The following CERS1 variants were observed in gnomAD, a reference collection of about 807,000 sequenced individuals.
CERS1 encodes ceramide synthase 1.
Under a neutral mutation model 35.7 loss-of-function variants are expected in CERS1, and 16 were observed. That is an observed-to-expected ratio of 0.45 (90% CI 0.30 to 0.68). The LOEUF (loss-of-function observed/expected upper bound fraction) is 0.68, where lower values mean the gene tolerates loss of function less well. Among genes scored for constraint, CERS1 ranks in the 30% least tolerant of loss-of-function variants. CERS1 has a pLI of 0.08. For synonymous variants in CERS1, 243 were observed against 201.6 expected (o/e 1.21, Z -1.74); for missense variants, 454 against 453.9 (o/e 1.00, Z 0.00).
chr19:18,872,514 A>T (rs2055990289), intron 6 of CERS1, among the ~76,000 whole-genome samples: 2 of 144,776 alleles, frequency 1.4e-5, no homozygotes, highest in South Asian at 4.4e-4. Context: ...TGCCCGGGGT[A>T]ATTTTTTTTT....
In CERS1 at chr19:18,895,353, T is replaced by C. The variant is rs1291189770; in HGVS notation, c.249+471A>G. Among the ~76,000 whole-genome samples the C allele has an allele frequency of 6.6e-6, 1 of 152,174 alleles. No individual in the cohort carries two copies. The highest frequency in any genetic ancestry group is 1.5e-5 in the Non-Finnish European group (1 of 68,020). On this transcript the variant is annotated intron_variant, in intron 1 of 7. Transcript: ENST00000623882. The surrounding 1 kb of genome is among the most constrained non-coding windows in gnomAD (Gnocchi z 6.4). ...GCAGCCCGCATGGCAGGGAGGCGCA[T>C]GGCGCAGGCCGCGGTGCGCCGAGCC...
chr19:18,893,968 C>G (rs2056561907), intron 1 of CERS1, among the ~76,000 whole-genome samples: 1 of 151,858 alleles, frequency 6.6e-6, no homozygotes, highest in South Asian at 2.1e-4. Context: ...TTGGGAAACA[C>G]AGAGAGCCCC....
rs2055949039 is a variant in CERS1 at position 18,870,512 on chromosome 19, A to C, written c.*65T>G. On this transcript the variant is annotated 3_prime_UTR_variant, in exon 7 of 8. Coordinates refer to ENST00000623882, the MANE Select transcript of CERS1 (RefSeq NM_021267.5). The surrounding 1 kb of genome is among the most constrained non-coding windows in gnomAD (Gnocchi z 5.1). ...GTTGGAGGGGGTGGAGGGGCGGCCA[A>C]GGACGGGGAGCGTGGCCGGGGTATT... 1 of 59,494 alleles carries C rather than the reference A, an allele frequency of 1.7e-5. No homozygotes were observed. Among genetic ancestry groups the C allele is most frequent in the Admixed American group, 3.2e-4 (1 of 3,114 alleles). 3.7% of individuals were successfully genotyped at this position (59,494 alleles called of 1,614,324 possible). A position where few individuals can be genotyped will look rare whatever the true frequency, so the allele number is the denominator to read the frequency against.
rs1353917040 is a variant in CERS1, at chr19:18,869,403, G to A, written c.*595-13C>T. 39 of 1,528,408 alleles carry A rather than the reference G, an allele frequency of 2.6e-5. No homozygotes were observed. Among genetic ancestry groups the A allele is most frequent in the Non-Finnish European group, 3.1e-5 (36 of 1,144,160 alleles). The allele number at this position is 1,528,408 out of a possible 1,614,324, so 94.7% of individuals were successfully genotyped here. A position where few individuals can be genotyped will look rare whatever the true frequency, so the allele number is the denominator to read the frequency against. On this transcript the variant is annotated splice_polypyrimidine_tract_variant and intron_variant, in intron 7 of 7. Coordinates refer to ENST00000623882, the MANE Select transcript of CERS1 (RefSeq NM_021267.5). ...CGGGTGGGCGCACCTGGGGAGGTAG[G>A]AACAGGAACTCGGCTCGCGCTGCGT...
chr19:18,870,413 G>C lies in CERS1; in HGVS notation c.*164C>G. ...CCCGGAGGGGCAGGGGTCCTGGGGGGCGTGGCCGGGAACTGGAGGCAGGAT... is the reference window on the plus strand; with the variant it reads ...CCCGGAGGGGCAGGGGTCCTGGGGGCCGTGGCCGGGAACTGGAGGCAGGAT... On this transcript the variant is annotated 3_prime_UTR_variant, in exon 7 of 8. Transcript: ENST00000623882. This position sits in a 1 kb window ranked among gnomAD's most constrained non-coding sequence, Gnocchi z 5.1. 3.9e-6 allele frequency: 5 copies of C among 1,285,694 alleles called. No homozygotes were observed. Among genetic ancestry groups the C allele is most frequent in the Admixed American group, 4.2e-5 (2 of 47,406 alleles). The allele number at this position is 1,285,694 out of a possible 1,614,324, so 79.6% of individuals were successfully genotyped here.
In CERS1 at chr19:18,878,115, C is replaced by T. The variant is rs2056097593; in HGVS notation, c.1010+815G>A. The T allele has an allele frequency of 1.0e-6, 1 of 985,452 alleles. No individual in the cohort carries two copies. Among genetic ancestry groups the T allele is most frequent in the Admixed American group, 6.1e-5 (1 of 16,262 alleles). 61.0% of individuals were successfully genotyped at this position (985,452 alleles called of 1,614,324 possible). On this transcript the variant is annotated intron_variant, in intron 6 of 7. Transcript: ENST00000623882. The surrounding 1 kb of genome is among the most constrained non-coding windows in gnomAD (Gnocchi z 4.6). Reference sequence around the variant, plus strand: ...ACTGCTTCCCTGAAACCATCGTTCCCACGTCACCGATGGCCCCCACCGGCC... The same window carrying T: ...ACTGCTTCCCTGAAACCATCGTTCCTACGTCACCGATGGCCCCCACCGGCC...
At chr19:18,886,780 T>C (rs2056371857) in intron 2 of CERS1, among the ~76,000 whole-genome samples, 1 of 152,164 alleles carries the variant, frequency 6.6e-6, no homozygotes, top group South Asian at 2.1e-4. Context: ...GAACCGCCTC[T>C]GCGACAACTT....
At chr19:18,872,995 C>A (rs1242999849) in intron 6 of CERS1, among the ~76,000 whole-genome samples, 1 of 152,184 alleles carries the variant, frequency 6.6e-6, no homozygotes, top group Non-Finnish European at 1.5e-5. Context: ...CTATCCACCA[C>A]TGTGGTGAAA....
At chr19:18,894,182 A>C (rs1218396417) in intron 1 of CERS1, among the ~76,000 whole-genome samples, 2 of 131,796 alleles carry the variant, frequency 1.5e-5, no homozygotes, top group African/African-American at 5.6e-5. Flanking sequence ...GCGAGGTGAG[A>C]CCCTGAGGGG....
Position 18,880,434 on chromosome 19 carries a change from A to G in CERS1, c.592T>C (p.Tyr198His). 1 of 1,580,692 alleles carries G rather than the reference A, an allele frequency of 6.3e-7. No individual in the cohort carries two copies. Among genetic ancestry groups the G allele is most frequent in the East Asian group, 2.3e-5 (1 of 43,698 alleles). Residue 198 changes from tyrosine (Y) to histidine (H), a missense_variant and splice_region_variant, in exon 4 of 8, where the codon TAC becomes CAC. Transcript: ENST00000623882. ...AGCACAAGGATGCCCACATTGTGGT[A>G]CCTGGGGGAGCAGCAGGCAGAGAGG... is the stretch of plus-strand genomic sequence containing the variant. ...ILIVSSYAFR[Y>H]HNVGILVLFL...
intron 2 of CERS1, among the ~76,000 whole-genome samples, chr19:18,892,974 T>C (rs543994236): frequency 2.6e-5 from 4 of 152,190 alleles, no homozygotes; most frequent in African/African-American, 7.2e-5. Flanking sequence ...TGGAGTGCAG[T>C]GGCGCGAACT....
chr19:18,874,009 G>A (rs2056020138), intron 6 of CERS1, among the ~76,000 whole-genome samples: 2 of 151,992 alleles, frequency 1.3e-5, no homozygotes, highest in South Asian at 4.1e-4. Context: ...TACAAGGGAG[G>A]GAAAACAGGC....
At chr19:18,880,483 C>T in intron 3 of CERS1, 48 bp from the exon 4 acceptor site, 1 of 1,515,472 alleles carries the variant, frequency 6.6e-7, no homozygotes, top group South Asian at 1.3e-5. Context: ...CATTGGGGGA[C>T]CTCCACTCTG....
intron 7 of CERS1, 138 bp from the exon 8 acceptor site, chr19:18,869,528 G>T: frequency 8.3e-7 from 1 of 1,199,700 alleles, no homozygotes; most frequent in Non-Finnish European, 1.1e-6. Context: ...GCGGCGGGGT[G>T]GGCTGATGGA....
chr19:18,883,749 T>C (rs537538661), intron 3 of CERS1, among the ~76,000 whole-genome samples: 83 of 152,088 alleles, frequency 5.5e-4, no homozygotes, highest in Non-Finnish European at 6.8e-4. Flanking sequence ...GCGTGGCAGG[T>C]GCTCAGGAAC....
chr19:18,885,649 A>T (rs1466940235), intron 2 of CERS1, among the ~76,000 whole-genome samples: 1 of 149,922 alleles, frequency 6.7e-6, no homozygotes, highest in African/African-American at 2.5e-5. Flanking sequence ...CATGCCAAGT[A>T]GCTGGGATTA....
intron 2 of CERS1, among the ~76,000 whole-genome samples, chr19:18,886,122 C>T (rs950546718): frequency 2.0e-5 from 3 of 150,468 alleles, no homozygotes; most frequent in Non-Finnish European, 4.4e-5. Context: ...GGGCTATGCT[C>T]TGGACGGGCA....
chr19:18,877,261 C>T (rs1162028538), intron 6 of CERS1, among the ~76,000 whole-genome samples: 1 of 152,330 alleles, frequency 6.6e-6, no homozygotes, highest in South Asian at 2.1e-4. Flanking sequence ...GGGGACAGAG[C>T]CAGACACTGG....
chr19:18,879,944 C>G (rs1283146189), intron 4 of CERS1, among the ~76,000 whole-genome samples: 1 of 151,680 alleles, frequency 6.6e-6, no homozygotes. Flanking sequence ...CCCTGGCTTG[C>G]TCTGTATTAG....
Sources: gnomAD v4.1 joint callset for allele counts (sites outside exome capture counted in the v4.1 genomes callset) on GRCh38, gnomAD v4.1.1 for gene constraint, Gnocchi (gnomAD v3.1) non-coding constraint, MANE v1.5 for transcripts, NCBI Gene and HGNC (gene_info 2026-07-23, HGNC 2026-07-21) for gene names.